The following ETV1 variants were observed in gnomAD, a reference collection of about 807,000 sequenced individuals.
ETV1 encodes the protein ETS variant transcription factor 1.
A neutral mutation model predicts 62.3 loss-of-function variants in ETV1; 27 were observed. The observed-to-expected ratio is 0.43, with a 90% confidence interval of 0.32 to 0.60. The LOEUF is 0.60. Ranked by LOEUF, ETV1 falls within the 20% of genes least tolerant of loss-of-function variation. ETV1 has a pLI of 0.06. For synonymous variants in ETV1, 222 were observed against 199.6 expected (o/e 1.11, Z -0.94); for missense variants, 605 against 605.8 (o/e 1.00, Z 0.01).
rs574106151 is a variant in ETV1 at position 13,944,768 on chromosome 7, A to T, written c.236-5522T>A. Among the ~76,000 whole-genome samples the T allele has an allele frequency of 8.5e-5, 13 of 152,306 alleles. No homozygotes were observed. The South Asian group carries it at 1.7e-3, about 19-fold the overall frequency. On this transcript the variant is annotated intron_variant, in intron 6 of 13. Transcript: ENST00000430479. The stretch of plus-strand genomic sequence containing the variant: ...ATCAAAATTTACATGTTGAAATTTC[A>T]ACACCAGAATCTCTTATTTGGAAGA...
rs1787173565 is a variant in ETV1, at chr7:13,939,163, G to C, written c.319C>G (p.Gln107Glu). ...TCTCCATAGCTGAATTTAAAGGGCTGTTCTTGACTGCAGGCAGAGCTGATT... is the reference window on the plus strand; with the variant it reads ...TCTCCATAGCTGAATTTAAAGGGCTCTTCTTGACTGCAGGCAGAGCTGATT... ...SEISSACSQEQPFKFSYGEKC... is the reference protein window; with the variant it reads ...SEISSACSQEEPFKFSYGEKC... Residue 107 changes from glutamine (Q) to glutamate (E), a missense_variant, in exon 7 of 14, where the codon CAG becomes GAG. By Grantham distance (29) the Gln-to-Glu change is conservative. This residue lies in a region of ETV1 where 426 missense variants were observed against 377.8 expected (regional missense o/e 1.13). Coordinates refer to ENST00000430479, the MANE Select transcript of ETV1 (RefSeq NM_004956.5). The C allele has an allele frequency of 2.5e-6, 4 of 1,613,272 alleles. No homozygotes were observed. In the South Asian group the frequency reaches 4.4e-5, roughly 18 times the overall value.
At chr7:13,935,943 A>AT in intron 7 of ETV1, 47 bp from the exon 8 acceptor site, 1 of 1,457,750 alleles carries the variant, frequency 6.9e-7, no homozygotes, top group Non-Finnish European at 9.3e-7. Context: ...CTTTGGAGCA[A>AT]TTTTTTAAAA....
chr7:13,907,289 CT>C (rs1262258226), intron 11 of ETV1, among the ~76,000 whole-genome samples: 1 of 152,062 alleles, frequency 6.6e-6, no homozygotes, highest in African/African-American at 2.4e-5. Context: ...AACAAAAATT[CT>C]CTCTCATTTT....
intron 8 of ETV1, among the ~76,000 whole-genome samples, chr7:13,932,584 G>T (rs2128451993): frequency 6.6e-6 from 1 of 152,282 alleles, no homozygotes; most frequent in East Asian, 1.9e-4. Context: ...CTAGAAATGA[G>T]TCCTATGCCT....
At chr7:13,969,857 T>G (rs1780689327) in intron 6 of ETV1, among the ~76,000 whole-genome samples, 1 of 152,200 alleles carries the variant, frequency 6.6e-6, no homozygotes, top group Admixed American at 6.5e-5. Flanking sequence ...GTAGGACAAC[T>G]AAAAGGCAGT....
intron 6 of ETV1, among the ~76,000 whole-genome samples, chr7:13,964,946 C>G (rs540980667): frequency 7.2e-5 from 11 of 151,928 alleles, no homozygotes; most frequent in Non-Finnish European, 1.3e-4. Flanking sequence ...TAATCTTTAT[C>G]GTCTCAAGCT....
intron 8 of ETV1, among the ~76,000 whole-genome samples, chr7:13,933,131 G>C (rs1786383293): frequency 6.6e-6 from 1 of 152,180 alleles, no homozygotes; most frequent in Non-Finnish European, 1.5e-5. Context: ...TCAGAAAATT[G>C]TAACTTGAAG....
At chr7:13,989,542 A>C (rs761467857) in intron 1 of ETV1, 21 bp downstream of exon 1, 31 of 399,008 alleles carry the variant, frequency 7.8e-5, no homozygotes, top group Non-Finnish European at 1.3e-4. Context: ...AGAGACATAA[A>C]AAGTTGTTGG....
intron 5 of ETV1, among the ~76,000 whole-genome samples, chr7:13,985,167 C>A (rs1782426091): frequency 6.6e-6 from 1 of 152,026 alleles, no homozygotes; most frequent in Admixed American, 6.6e-5. Context: ...AATGTTCTCA[C>A]AACCTTTGAC....
Position 13,931,690 on chromosome 7 carries a change from C to T in ETV1, c.614G>A (p.Arg205Lys). Residue 205 changes from arginine to lysine, a missense_variant, in exon 9 of 14, where the codon AGG becomes AAG. Physicochemically the swap from Arg to Lys is conservative, Grantham distance 26. Around this residue, in one of 3 missense-constraint regions of ETV1, gnomAD observed 426 missense variants for 377.8 expected, o/e 1.13. Transcript: ENST00000430479. ...GCGTTGGTACATAGGACGTCCTTCC[C>T]TTGGCATCGTCGGCAAAGGAGGAAA... is the stretch of plus-strand genomic sequence containing the variant. ...NSFPPLPTMP[R>K]EGRPMYQRQM... 6.2e-7 allele frequency: 1 copy of T among 1,613,762 alleles called. No individual in the cohort carries two copies. The highest frequency in any genetic ancestry group is 8.5e-7 in the Non-Finnish European group (1 of 1,179,786).
rs1476344615 is a variant in ETV1, at chr7:13,894,222, G to A, written c.*1644C>T. The A allele has an allele frequency of 8.7e-6, 2 of 229,384 alleles. No homozygotes were observed. Among genetic ancestry groups the A allele is most frequent in the Non-Finnish European group, 1.7e-5 (2 of 116,934 alleles). The allele number at this position is 229,384 out of a possible 1,614,324, so 14.2% of individuals were successfully genotyped here. A position where few individuals can be genotyped will look rare whatever the true frequency, so the allele number is the denominator to read the frequency against. ...GTTGTTCTTCTGGATATTATTGATA[G>A]ATGGAACAAAATTCATGTCCCTTGC... is the stretch of plus-strand genomic sequence containing the variant. On this transcript the variant is annotated 3_prime_UTR_variant, in exon 14 of 14. Transcript: ENST00000430479.
rs1391999431 is a variant in ETV1 at position 13,925,074 on chromosome 7, T to C, written c.802+6428A>G. Among the ~76,000 whole-genome samples, 4 of 152,330 alleles carry C rather than the reference T, an allele frequency of 2.6e-5. No individual in the cohort carries two copies. The East Asian group carries it at 7.7e-4, about 29-fold the overall frequency. On this transcript the variant is annotated intron_variant, in intron 9 of 13. Transcript: ENST00000430479. Reference sequence around the variant, plus strand: ...TTCTCACCTCTACCCTCTGCTTTTATTTCCTGCTCTCTCTAAGCTCAAAGT... The same window carrying C: ...TTCTCACCTCTACCCTCTGCTTTTACTTCCTGCTCTCTCTAAGCTCAAAGT...
chr7:13,910,512 T>C lies in ETV1; in HGVS notation c.871+727A>G, dbSNP rs1485572385. On this transcript the variant is annotated intron_variant, in intron 10 of 13. Coordinates refer to ENST00000430479, the MANE Select transcript of ETV1 (RefSeq NM_004956.5). ...ATATTTTACATTTACCATCTCATACTACCCTTTAAAATTCTACTAATATCA... is the reference window on the plus strand; with the variant it reads ...ATATTTTACATTTACCATCTCATACCACCCTTTAAAATTCTACTAATATCA... The C allele has an allele frequency of 1.2e-5, 7 of 579,224 alleles. No homozygotes were observed. The African/African-American group carries it at 1.4e-4, about 12-fold the overall frequency. 35.9% of individuals were successfully genotyped at this position (579,224 alleles called of 1,614,324 possible).
At position 13,939,228 on chromosome 7, in the gene ETV1, G is replaced by T. The variant is rs1217388375; in HGVS notation, c.254C>A (p.Pro85Gln). 6 of 1,605,422 alleles carry T rather than the reference G, an allele frequency of 3.7e-6. No homozygotes were observed. The highest frequency in any genetic ancestry group is 1.3e-5 in the African/African-American group (1 of 74,392). Residue 85 changes from proline to glutamine, a missense_variant, in exon 7 of 14, where the codon CCA becomes CAA. Coordinates refer to ENST00000430479, the MANE Select transcript of ETV1 (RefSeq NM_004956.5). ...GTGGGGTTCTTTCTTGATTTTCAGT[G>T]GCAGGCCATGAAAAGCCACTAGAAA... ...QAESLAFHGLPLKIKKEPHSP... is the reference protein window; with the variant it reads ...QAESLAFHGLQLKIKKEPHSP...
chr7:13,899,167 A>C (rs1306559874), intron 13 of ETV1, among the ~76,000 whole-genome samples: 1 of 152,208 alleles, frequency 6.6e-6, no homozygotes, highest in African/African-American at 2.4e-5. Flanking sequence ...GTGACAGCCC[A>C]GGCAATGTGC....
intron 6 of ETV1, among the ~76,000 whole-genome samples, chr7:13,968,654 C>T (rs942396276): frequency 6.6e-6 from 1 of 151,646 alleles, no homozygotes. Context: ...TACATTATTC[C>T]CCCATGAATT....
chr7:13,894,430 C>T lies in ETV1; in HGVS notation c.*1436G>A, dbSNP rs1215095819. On this transcript the variant is annotated 3_prime_UTR_variant, in exon 14 of 14. Transcript: ENST00000430479. ...AATCCAATCACATTTACAGAAGTGT[C>T]CAAAAAGAGATGATGGATAATATCA... 1 of 232,136 alleles carries T rather than the reference C, an allele frequency of 4.3e-6. No homozygotes were observed. The highest frequency in any genetic ancestry group is 2.2e-5 in the African/African-American group (1 of 45,248). 14.4% of individuals were successfully genotyped at this position (232,136 alleles called of 1,614,324 possible).
chr7:13,917,541 C>A (rs1400074051), intron 9 of ETV1, among the ~76,000 whole-genome samples: 1 of 151,964 alleles, frequency 6.6e-6, no homozygotes, highest in Non-Finnish European at 1.5e-5. Flanking sequence ...TGGTTTTGAA[C>A]TCCTGACCTC....
At chr7:13,972,409 G>A (rs895504294) in intron 6 of ETV1, among the ~76,000 whole-genome samples, 15 of 152,124 alleles carry the variant, frequency 9.9e-5, no homozygotes, top group Admixed American at 5.2e-4. Flanking sequence ...TCTAGCCAGG[G>A]CAACCAAGTG....
Sources: gnomAD v4.1 joint callset for allele counts (sites outside exome capture counted in the v4.1 genomes callset) on GRCh38, gnomAD v4.1.1 for gene constraint, gnomAD v4.1.1 regional missense constraint, MANE v1.5 for transcripts, NCBI Gene and HGNC (gene_info 2026-07-23, HGNC 2026-07-21) for gene names.